Variants in SUN1 observed in about 807,000 individuals in gnomAD.
SUN1 encodes the protein Sad1 and UNC84 domain containing 1.
Under a neutral mutation model 103.2 loss-of-function variants are expected in SUN1, and 61 were observed. The observed-to-expected ratio is 0.59, with a 90% CI of 0.48 to 0.73. The LOEUF is 0.73. Among genes scored for constraint, SUN1 ranks in the 30% least tolerant of loss-of-function variants. SUN1 has a pLI of 0.00. For synonymous variants in SUN1, 490 were observed against 425.7 expected (o/e 1.15, Z -1.86); for missense variants, 1,052 against 1,034.6 (o/e 1.02, Z -0.23).
At chr7:870,577 C>T (rs559461302) in intron 17 of SUN1, among the ~76,000 whole-genome samples, 1 of 152,096 alleles carries the variant, frequency 6.6e-6, no homozygotes, top group East Asian at 1.9e-4. Flanking sequence ...CAGAGCAAGA[C>T]TCTGTCTCAA....
intron 1 of SUN1, among the ~76,000 whole-genome samples, chr7:820,230 G>A (rs1217719262): frequency 6.6e-6 from 1 of 152,206 alleles, no homozygotes; most frequent in Non-Finnish European, 1.5e-5. Context: ...TCCCATTTAT[G>A]TAGGTTGTCT....
At chr7:867,240 CCCT>C (rs1394758871) in intron 16 of SUN1, among the ~76,000 whole-genome samples, 5 of 152,236 alleles carry the variant, frequency 3.3e-5, no homozygotes, top group African/African-American at 1.2e-4. Context: ...CAGCCGGAGC[CCCT>C]CCTCACTGCA....
intron 1 of SUN1, among the ~76,000 whole-genome samples, chr7:825,147 C>T (rs1192426095): frequency 3.9e-5 from 6 of 152,108 alleles, no homozygotes; most frequent in Non-Finnish European, 7.4e-5. Context: ...CAAGCTCCAC[C>T]TCCCGGGTTC....
chr7:836,288 C>G (rs184859336), intron 1 of SUN1, among the ~76,000 whole-genome samples: 1 of 152,092 alleles, frequency 6.6e-6, no homozygotes, highest in Non-Finnish European at 1.5e-5. Context: ...AGGCTTGGCT[C>G]GGGATTACTT....
chr7:849,845 C>T, intron 5 of SUN1: 4 of 1,425,174 alleles, frequency 2.8e-6, no homozygotes, highest in Non-Finnish European at 3.9e-6. Context: ...CTACAGACTG[C>T]CATTGCTATG....
rs980652142 is a variant in SUN1, at chr7:869,495, C to A, written c.2127C>A (p.Ala709=). 2.5e-6 allele frequency: 4 copies of A among 1,613,762 alleles called. No homozygotes were observed. The highest frequency in any genetic ancestry group is 2.5e-6 in the Non-Finnish European group (3 of 1,179,812). Residue 709 remains alanine, a synonymous_variant, in exon 17 of 19, where the codon GCC becomes GCA. Transcript: ENST00000401592. ...TLSPTGNISS[A]PKDFAVYGLE... ...CGCCAACAGGCAACATCAGCAGCGCCCCCAAGGACTTCGCCGTCTATGTGA... is the reference window on the plus strand; with the variant it reads ...CGCCAACAGGCAACATCAGCAGCGCACCCAAGGACTTCGCCGTCTATGTGA...
upstream of SUN1, among the ~76,000 whole-genome samples, chr7:831,556 C>CA (rs1418171724): frequency 6.6e-6 from 1 of 152,212 alleles, no homozygotes; most frequent in Non-Finnish European, 1.5e-5. Context: ...AGGCGTGAGC[C>CA]ACCGCACCCG....
chr7:817,808 C>CT (rs1387808644), intron 1 of SUN1, among the ~76,000 whole-genome samples: 2 of 152,174 alleles, frequency 1.3e-5, no homozygotes, highest in African/African-American at 4.8e-5. Flanking sequence ...TAATAATTTC[C>CT]TTTTCTTTGT....
chr7:857,610 AT>A (rs1317730430), intron 12 of SUN1, among the ~76,000 whole-genome samples: 1 of 152,212 alleles, frequency 6.6e-6, no homozygotes, highest in African/African-American at 2.4e-5. Flanking sequence ...CAGTGTGAAC[AT>A]TTGTATGTTA....
rs767786582 is a variant in SUN1 at position 849,322 on chromosome 7, G to A, written c.659-2062G>A. Among the ~76,000 whole-genome samples, 10 of 152,324 alleles carry A rather than the reference G, an allele frequency of 6.6e-5. No individual in the cohort carries two copies. In the South Asian group the frequency reaches 1.2e-3, roughly 19 times the overall value. On this transcript the variant is annotated intron_variant, in intron 5 of 18. Transcript: ENST00000401592. ...CACACACGATTCAGCCAGAGGGTGG[G>A]GGCCCTTTCACGTCTCTTCTCGTGG...
intron 7 of SUN1, 189 bp downstream of exon 7, chr7:852,232 A>T (rs1031135922): frequency 6.2e-6 from 4 of 645,842 alleles, no homozygotes; most frequent in Non-Finnish European, 7.9e-6. Context: ...AGCAGATATC[A>T]TTAAGGAAAA....
intron 1 of SUN1, among the ~76,000 whole-genome samples, chr7:819,032 T>G (rs1783562680): frequency 6.6e-6 from 1 of 151,970 alleles, no homozygotes; most frequent in Non-Finnish European, 1.5e-5. Context: ...CCCGGCTAAT[T>G]TTGTATTTTT....
intron 13 of SUN1, among the ~76,000 whole-genome samples, chr7:859,219 T>TGGGA (rs1236954129): frequency 6.6e-6 from 1 of 151,638 alleles, no homozygotes; most frequent in African/African-American, 2.4e-5. Context: ...GTCCTACTGA[T>TGGGA]GGGACTTGCA....
In SUN1 at chr7:874,675, A is replaced by G. The variant is rs1290184137; in HGVS notation, c.*1344A>G. On this transcript the variant is annotated 3_prime_UTR_variant, in exon 19 of 19. Coordinates refer to ENST00000401592, the MANE Select transcript of SUN1 (RefSeq NM_001130965.3). ...AATGTACAGATGTTTCATATATTAC[A>G]GGTTACATATATAAATCAAAATTTC... 6.6e-6 allele frequency: 1 copy of G among 152,230 alleles called. No homozygotes were observed. The highest frequency in any genetic ancestry group is 1.5e-5 in the Non-Finnish European group (1 of 68,038). 9.4% of individuals were successfully genotyped at this position (152,230 alleles called of 1,614,324 possible).
At chr7:870,752 G>A (rs780352523) in intron 17 of SUN1, among the ~76,000 whole-genome samples, 15 of 152,016 alleles carry the variant, frequency 9.9e-5, no homozygotes, top group South Asian at 2.1e-4. Context: ...TGTGAGCGTC[G>A]CTCCTTTACA....
chr7:846,116 G>C (rs1278756926), intron 5 of SUN1, among the ~76,000 whole-genome samples: 3 of 151,940 alleles, frequency 2.0e-5, no homozygotes, highest in African/African-American at 7.2e-5. Context: ...TTGTTTGTTT[G>C]TTTGTTTTTT....
intron 5 of SUN1, among the ~76,000 whole-genome samples, chr7:845,013 T>C (rs991597050): frequency 5.9e-5 from 9 of 152,220 alleles, no homozygotes; most frequent in African/African-American, 2.2e-4. Context: ...ATGCCATTGA[T>C]AGGTTGAACA....
At chr7:859,563 CCA>C (rs546036196) in intron 13 of SUN1, among the ~76,000 whole-genome samples, 57 of 152,218 alleles carry the variant, frequency 3.7e-4, no homozygotes, top group African/African-American at 1.0e-3. Flanking sequence ...AAGGGTGTGT[CCA>C]CACGTGGAAT....
Position 872,530 on chromosome 7 carries a change from G to T in SUN1, c.2209G>T (p.Asp737Tyr). 6.2e-7 allele frequency: 1 copy of T among 1,600,376 alleles called. No homozygotes were observed. Among genetic ancestry groups the T allele is most frequent in the Non-Finnish European group, 8.5e-7 (1 of 1,173,282 alleles). Residue 737 changes from aspartate (D) to tyrosine (Y), a missense_variant, in exon 18 of 19, where the codon GAT (aspartate) becomes TAT (tyrosine). Transcript: ENST00000401592. ...TCTGGGACAGTTCACGTATGATCAG[G>T]ATGGGGAGTCGCTCCAGATGTTCCA... Reference protein sequence around the residue: ...QLLGQFTYDQDGESLQMFQAL... With the variant: ...QLLGQFTYDQYGESLQMFQAL...
Sources: gnomAD v4.1 joint callset for allele counts (sites outside exome capture counted in the v4.1 genomes callset) on GRCh38, gnomAD v4.1.1 for gene constraint, MANE v1.5 for transcripts, NCBI Gene and HGNC (gene_info 2026-07-23, HGNC 2026-07-21) for gene names.